The following GRIK2 variants were observed in gnomAD, a reference collection of about 807,000 sequenced individuals.
GRIK2 encodes glutamate receptor ionotropic, kainate 2.
GRIK2 carries 32 observed loss-of-function variants against 100.3 expected under a neutral mutation model. The ratio of observed to expected loss-of-function variants is 0.32; its 90% CI spans 0.24 to 0.43. The LOEUF (loss-of-function observed/expected upper bound fraction) is 0.43. Ranked by LOEUF, GRIK2 falls within the 20% of genes least tolerant of loss-of-function variation. GRIK2 has a pLI of 1.00. For missense variants in GRIK2, 843 were observed against 1,114.9 expected, an observed-to-expected ratio of 0.76 and a Z score of 3.47; for synonymous variants, 417 against 389.4, an observed-to-expected ratio of 1.07 and a Z score of -0.83.
chr6:101,536,928 T>G (rs1423472505), intron 2 of GRIK2, among the ~76,000 whole-genome samples: 1 of 151,790 alleles, frequency 6.6e-6, no homozygotes, highest in Non-Finnish European at 1.5e-5. Flanking sequence ...AATTTTTATC[T>G]TCATTAGGAA....
intron 15 of GRIK2, among the ~76,000 whole-genome samples, chr6:102,051,285 C>CTTCCTTCCTTCT (rs1392798443): frequency 2.7e-5 from 4 of 150,424 alleles, no homozygotes; most frequent in Non-Finnish European, 4.4e-5. Flanking sequence ...TCCTTCCTTC[C>CTTCCTTCCTTCT]TTCCTTCCTT....
At chr6:101,772,571 A>C (rs73512729) in intron 7 of GRIK2, among the ~76,000 whole-genome samples, 2,519 of 151,960 alleles carry the variant, frequency 0.017, 71 homozygotes, top group African/African-American at 0.057. Flanking sequence ...TAAAAGGACA[A>C]GAATATTTTA....
intron 2 of GRIK2, among the ~76,000 whole-genome samples, chr6:101,456,540 T>C (rs1393509123): frequency 6.6e-6 from 1 of 152,116 alleles, no homozygotes; most frequent in Non-Finnish European, 1.5e-5. Context: ...CTATATCCAT[T>C]GTACCTACAA....
At chr6:101,619,746 C>T (rs758983158) in intron 2 of GRIK2, among the ~76,000 whole-genome samples, 5 of 151,910 alleles carry the variant, frequency 3.3e-5, no homozygotes, top group African/African-American at 7.2e-5. Flanking sequence ...TTTTTAGTTA[C>T]GTCTTATTAA....
intron 7 of GRIK2, among the ~76,000 whole-genome samples, chr6:101,767,649 G>A (rs1778119142): frequency 6.6e-6 from 1 of 151,846 alleles, no homozygotes; most frequent in African/African-American, 2.4e-5. Flanking sequence ...CACAATATGT[G>A]TGTGACTGGG....
At chr6:101,715,579 A>G (rs1407893391) in intron 7 of GRIK2, among the ~76,000 whole-genome samples, 2 of 151,814 alleles carry the variant, frequency 1.3e-5, no homozygotes, top group African/African-American at 4.8e-5. Flanking sequence ...ATCTTTAACT[A>G]TACCAAGAAT....
chr6:101,917,668 A>G (rs1018772717), intron 12 of GRIK2, among the ~76,000 whole-genome samples: 2 of 150,660 alleles, frequency 1.3e-5, no homozygotes. Context: ...TTATATTTTT[A>G]TTCAACAAAG....
At chr6:101,611,016 CA>C (rs1352478607) in intron 2 of GRIK2, among the ~76,000 whole-genome samples, 1 of 151,300 alleles carries the variant, frequency 6.6e-6, no homozygotes, top group East Asian at 2.0e-4. Flanking sequence ...TCTCAGTGTG[CA>C]GTGCCTCTAC....
intron 4 of GRIK2, among the ~76,000 whole-genome samples, chr6:101,642,378 A>G (rs1781313598): frequency 6.6e-6 from 1 of 151,780 alleles, no homozygotes; most frequent in Admixed American, 6.6e-5. Flanking sequence ...TTTTGTATGC[A>G]CTAAACAACC....
intron 10 of GRIK2, among the ~76,000 whole-genome samples, chr6:101,821,949 G>T (rs767231500): frequency 2.6e-5 from 4 of 151,878 alleles, no homozygotes; most frequent in Non-Finnish European, 2.9e-5. Context: ...TGTGCTTCTT[G>T]TTCAACATTT....
At chr6:101,943,505 T>C (rs1791082242) in intron 14 of GRIK2, among the ~76,000 whole-genome samples, 1 of 152,092 alleles carries the variant, frequency 6.6e-6, no homozygotes, top group African/African-American at 2.4e-5. Flanking sequence ...CACTAGCCCG[T>C]GAAAGCAGCT....
chr6:101,741,397 G>T (rs1163374159), intron 7 of GRIK2, among the ~76,000 whole-genome samples: 1 of 152,198 alleles, frequency 6.6e-6, no homozygotes, highest in Non-Finnish European at 1.5e-5. Flanking sequence ...AGGTTCAAAT[G>T]GTTGGGGTCC....
At chr6:101,757,786 T>C (rs912623636) in intron 7 of GRIK2, among the ~76,000 whole-genome samples, 1 of 152,246 alleles carries the variant, frequency 6.6e-6, no homozygotes, top group East Asian at 1.9e-4. Flanking sequence ...GGTCTGCAAA[T>C]GGAAAATAAC....
At chr6:101,855,403 G>C (rs1248156323) in intron 10 of GRIK2, among the ~76,000 whole-genome samples, 1 of 152,170 alleles carries the variant, frequency 6.6e-6, no homozygotes, top group Non-Finnish European at 1.5e-5. Context: ...TAGAATAATG[G>C]AGAGTACCTT....
At chr6:101,946,424 A>G (rs116127062) in intron 14 of GRIK2, among the ~76,000 whole-genome samples, 1,705 of 152,184 alleles carry the variant, frequency 0.011, 34 homozygotes, top group African/African-American at 0.039. Flanking sequence ...CCAACTACAC[A>G]GGAGGCTGAG....
intron 14 of GRIK2, among the ~76,000 whole-genome samples, chr6:101,959,527 A>C (rs1792151818): frequency 6.6e-6 from 1 of 152,048 alleles, no homozygotes; most frequent in Non-Finnish European, 1.5e-5. Flanking sequence ...GATTTCAAAA[A>C]GCCAATTTTT....
chr6:101,657,314 C>T (rs1314820344), intron 4 of GRIK2, among the ~76,000 whole-genome samples: 1 of 152,166 alleles, frequency 6.6e-6, no homozygotes, highest in African/African-American at 2.4e-5. Context: ...GCTCCTCACA[C>T]TTCTCTGTCC....
At chr6:101,394,447 G>A (rs963088290) in intron 1 of GRIK2, among the ~76,000 whole-genome samples, 22 of 152,280 alleles carry the variant, frequency 1.4e-4, no homozygotes, top group South Asian at 8.3e-4. Flanking sequence ...AGGAGATAGA[G>A]TTTCTTTACC....
At chr6:101,899,078 G>A (rs904590820) in intron 12 of GRIK2, among the ~76,000 whole-genome samples, 2 of 149,624 alleles carry the variant, frequency 1.3e-5, no homozygotes, top group African/African-American at 4.9e-5. Context: ...TATAGAAAGA[G>A]AGAGGTTTCT....
Sources: allele counts gnomAD v4.1 joint callset (sites outside exome capture counted in the v4.1 genomes callset), GRCh38; gene constraint gnomAD v4.1.1; transcripts MANE v1.5; gene names NCBI Gene and HGNC (gene_info 2026-07-23, HGNC 2026-07-21).